DOCK2: variants seen among roughly 807,000 people sequenced by gnomAD.
The protein encoded by DOCK2 is dedicator of cytokinesis 2.
DOCK2 carries 87 observed loss-of-function variants against 248.9 expected under a neutral mutation model. The ratio of observed to expected loss-of-function variants is 0.35; its 90% confidence interval spans 0.29 to 0.42. DOCK2 has a LOEUF of 0.42. Ranked by LOEUF, DOCK2 falls within the 10% of genes least tolerant of loss-of-function variation. DOCK2 has a pLI of 1.00. For synonymous variants in DOCK2, 805 were observed against 821.6 expected (o/e 0.98, Z 0.35); for missense variants, 1,747 against 2,300.2 (o/e 0.76, Z 4.92).
chr5:170,022,586 G>A (rs1299172351), intron 33 of DOCK2, among the ~76,000 whole-genome samples: 3 of 152,118 alleles, frequency 2.0e-5, no homozygotes, highest in African/African-American at 7.2e-5. Context: ...GTGGGGTTGT[G>A]GAAGGACAGT....
intron 33 of DOCK2, among the ~76,000 whole-genome samples, chr5:170,024,782 C>G (rs988136194): frequency 3.3e-5 from 5 of 152,194 alleles, no homozygotes; most frequent in African/African-American, 9.7e-5. Context: ...TTTCTGAGCA[C>G]AGTACTGACC....
At chr5:169,676,610 G>A (rs1759348800) in intron 6 of DOCK2, among the ~76,000 whole-genome samples, 1 of 152,112 alleles carries the variant, frequency 6.6e-6, no homozygotes, top group Admixed American at 6.5e-5. Context: ...CAGAGCTCTG[G>A]TATGGGATGG....
At chr5:169,838,150 A>G (rs1170325458) in intron 26 of DOCK2, among the ~76,000 whole-genome samples, 5 of 152,208 alleles carry the variant, frequency 3.3e-5, no homozygotes, top group Non-Finnish European at 5.9e-5. Flanking sequence ...AAGTTGGTCC[A>G]ATTGAAGGCA....
At chr5:170,051,086 A>G (rs1438139975) in intron 41 of DOCK2, among the ~76,000 whole-genome samples, 1 of 152,236 alleles carries the variant, frequency 6.6e-6, no homozygotes, top group East Asian at 1.9e-4. Flanking sequence ...GGTTTCCTTG[A>G]GGAAGGTGAT....
At chr5:169,977,991 T>G (rs924323003) in intron 27 of DOCK2, among the ~76,000 whole-genome samples, 1 of 152,204 alleles carries the variant, frequency 6.6e-6, no homozygotes, top group Non-Finnish European at 1.5e-5. Context: ...CGGCCACTCC[T>G]AGTCTCCAAA....
intron 23 of DOCK2, among the ~76,000 whole-genome samples, chr5:169,754,421 A>G (rs910586459): frequency 6.6e-6 from 1 of 152,164 alleles, no homozygotes; most frequent in African/African-American, 2.4e-5. Flanking sequence ...AATCTAGGAA[A>G]TTCACTCAGT....
intron 27 of DOCK2, among the ~76,000 whole-genome samples, chr5:169,866,483 C>T (rs1771570479): frequency 6.6e-6 from 1 of 152,224 alleles, no homozygotes; most frequent in Non-Finnish European, 1.5e-5. Context: ...ATACAACACG[C>T]AGCATAGAGT....
chr5:169,809,553 C>T (rs1767611186), intron 26 of DOCK2, among the ~76,000 whole-genome samples: 1 of 152,152 alleles, frequency 6.6e-6, no homozygotes, highest in African/African-American at 2.4e-5. Flanking sequence ...ATGTGTGCAC[C>T]CTGATATCCC....
chr5:169,840,953 A>G, intron 27 of DOCK2, 101 bp downstream of exon 27: 3 of 1,317,882 alleles, frequency 2.3e-6, no homozygotes, highest in Non-Finnish European at 3.2e-6. Flanking sequence ...AGCATTGATC[A>G]TTGCTTTGTT....
chr5:170,028,221 T>A (rs9790867), intron 34 of DOCK2, among the ~76,000 whole-genome samples: 3 of 152,174 alleles, frequency 2.0e-5, no homozygotes, highest in East Asian at 1.9e-4. Context: ...CTTTCATTAC[T>A]TCTTAACTGT....
At chr5:169,900,102 G>A (rs539250482) in intron 27 of DOCK2, among the ~76,000 whole-genome samples, 120 of 152,162 alleles carry the variant, frequency 7.9e-4, no homozygotes, top group South Asian at 1.9e-3. Flanking sequence ...CACCCACTAT[G>A]TGCCAAACAT....
intron 27 of DOCK2, among the ~76,000 whole-genome samples, chr5:169,959,147 C>T (rs1342497626): frequency 6.6e-6 from 1 of 152,052 alleles, no homozygotes; most frequent in East Asian, 1.9e-4. Context: ...AATCCCAGCA[C>T]TTTGGGAGGC....
chr5:169,832,415 G>A (rs994117318), intron 26 of DOCK2, among the ~76,000 whole-genome samples: 4 of 152,222 alleles, frequency 2.6e-5, no homozygotes, highest in African/African-American at 4.8e-5. Context: ...CACTCACCCA[G>A]TGGGTGGGGA....
At chr5:169,648,309 A>G (rs542908521) in intron 1 of DOCK2, among the ~76,000 whole-genome samples, 4 of 152,240 alleles carry the variant, frequency 2.6e-5, no homozygotes, top group African/African-American at 9.6e-5. Flanking sequence ...AGGTTGGGAC[A>G]AGAAAAATGT....
chr5:169,681,763 A>G lies in DOCK2; in HGVS notation c.490A>G (p.Ile164Val), dbSNP rs1396090750. 2 of 1,613,596 alleles carry G rather than the reference A, an allele frequency of 1.2e-6. No individual in the cohort carries two copies. The highest frequency in any genetic ancestry group is 1.3e-5 in the African/African-American group (1 of 74,906). Reference protein sequence around the residue: ...YGNKILELDLIVRDEDGNILD... With the variant: ...YGNKILELDLVVRDEDGNILD... ...TTACAGAATCCTTGAGCTTGATTTGATTGTCAGAGATGAAGACGGAAATAT... is the reference window on the plus strand; with the variant it reads ...TTACAGAATCCTTGAGCTTGATTTGGTTGTCAGAGATGAAGACGGAAATAT... Residue 164 changes from isoleucine to valine, a missense_variant, in exon 7 of 52, where the codon ATT (isoleucine) becomes GTT (valine). This residue lies in a region of DOCK2 where 375 missense variants were observed against 510.9 expected (regional missense o/e 0.73). Coordinates refer to ENST00000520908, the MANE Select transcript of DOCK2 (RefSeq NM_004946.3).
intron 27 of DOCK2, among the ~76,000 whole-genome samples, chr5:169,892,586 C>CA (rs1773361017): frequency 6.6e-6 from 1 of 151,964 alleles, no homozygotes; most frequent in East Asian, 1.9e-4. Context: ...GATGGATGGG[C>CA]AAGCCACTAA....
intron 27 of DOCK2, among the ~76,000 whole-genome samples, chr5:169,982,648 C>A (rs1777973425): frequency 6.6e-6 from 1 of 152,206 alleles, no homozygotes; most frequent in Non-Finnish European, 1.5e-5. Flanking sequence ...GGTGATCCAA[C>A]TACAGATTCC....
chr5:169,739,155 G>A (rs1363310517), intron 22 of DOCK2, among the ~76,000 whole-genome samples: 2 of 152,224 alleles, frequency 1.3e-5, no homozygotes, highest in African/African-American at 4.8e-5. Flanking sequence ...TTTTCAGGAA[G>A]CCATGGAATC....
chr5:169,904,933 G>A (rs1051720729), intron 27 of DOCK2, among the ~76,000 whole-genome samples: 9 of 152,082 alleles, frequency 5.9e-5, no homozygotes, highest in African/African-American at 2.2e-4. Flanking sequence ...CGAGAGACCC[G>A]GGTTTGAATC....
Sources: gnomAD v4.1 joint callset for allele counts (sites outside exome capture counted in the v4.1 genomes callset) on GRCh38, gnomAD v4.1.1 for gene constraint, gnomAD v4.1.1 regional missense constraint, MANE v1.5 for transcripts, NCBI Gene and HGNC (gene_info 2026-07-23, HGNC 2026-07-21) for gene names.